GPRC5B: variants seen among roughly 807,000 people sequenced by gnomAD.
The protein encoded by GPRC5B is G protein-coupled receptor class C group 5 member B, also known as G protein-coupled receptor family C group 5 member B.
A neutral mutation model predicts 30.1 loss-of-function variants in GPRC5B; 16 were observed. The ratio of observed to expected loss-of-function variants is 0.53; its 90% confidence interval spans 0.36 to 0.81. The LOEUF (loss-of-function observed/expected upper bound fraction) is 0.81, where lower values mean the gene tolerates loss of function less well. Among genes scored for constraint, GPRC5B ranks in the 30% least tolerant of loss-of-function variants. The probability of loss-of-function intolerance (pLI) is 0.01; values close to 1 mark genes in which losing one functional copy is unlikely to be tolerated. For synonymous variants in GPRC5B, 241 were observed against 239.5 expected (o/e 1.01, Z -0.06); for missense variants, 428 against 544.7 (o/e 0.79, Z 2.13).
Position 19,872,452 on chromosome 16 carries a change from G to C in GPRC5B, c.394C>G (p.Leu132Val). The stretch of plus-strand genomic sequence containing the variant: ...AGGCAGGAGAAGCAGAGCGCAAAGA[G>C]GACGCCCCAGAGGAAGCGGCGGACA... Reference protein sequence around the residue: ...CSVRRFLWGVLFALCFSCLLS... With the variant: ...CSVRRFLWGVVFALCFSCLLS... Residue 132 changes from leucine to valine, a missense_variant, in exon 2 of 4, where the codon CTC (leucine) becomes GTC (valine). By Grantham distance (32) the Leu-to-Val change is conservative. This residue lies in a region of GPRC5B where 196 missense variants were observed against 272.6 expected (regional missense o/e 0.72). Transcript: ENST00000300571. This position sits in a 1 kb window ranked among gnomAD's most constrained non-coding sequence, Gnocchi z 5.0. 1 of 1,614,010 alleles carries C rather than the reference G, an allele frequency of 6.2e-7. No homozygotes were observed. Among genetic ancestry groups the C allele is most frequent in the Non-Finnish European group, 8.5e-7 (1 of 1,179,924 alleles).
chr16:19,885,125 G>T, upstream of GPRC5B: 3 of 1,044,728 alleles, frequency 2.9e-6, no homozygotes, highest in Admixed American at 4.7e-5. This position sits in a 1 kb window ranked among gnomAD's most constrained non-coding sequence, Gnocchi z 5.3. Context: ...CAGTGCGCCC[G>T]TAAGCAGTCC....
At chr16:19,880,240 T>G (rs1177820830) in intron 1 of GPRC5B, among the ~76,000 whole-genome samples, 1 of 151,158 alleles carries the variant, frequency 6.6e-6, no homozygotes, top group Non-Finnish European at 1.5e-5. Context: ...TGAAACTGAT[T>G]TTTCTAGAAG....
At chr16:19,868,252 T>G (rs2056682937) in intron 2 of GPRC5B, among the ~76,000 whole-genome samples, 1 of 151,370 alleles carries the variant, frequency 6.6e-6, no homozygotes, top group Non-Finnish European at 1.5e-5. Flanking sequence ...CACACGGCTA[T>G]AATCCCAGCT....
chr16:19,872,165 C>T lies in GPRC5B; in HGVS notation c.681G>A (p.Lys227=). ...LALFTLCGKF[K]RWKLNGAFLL... The stretch of plus-strand genomic sequence containing the variant: ...GGAAGGCCCCGTTCAGCTTCCACCT[C>T]TTGAACTTGCCGCACAGAGTGAAGA... The change falls in exon 2 of 4, where the codon AAG becomes AAA. Residue 227 remains lysine (K), a synonymous_variant. Transcript: ENST00000300571. The surrounding 1 kb of genome is among the most constrained non-coding windows in gnomAD (Gnocchi z 5.0). 1 of 1,614,192 alleles carries T rather than the reference C, an allele frequency of 6.2e-7. No individual in the cohort carries two copies. Among genetic ancestry groups the T allele is most frequent in the African/African-American group, 1.3e-5 (1 of 75,054 alleles).
chr16:19,873,968 A>T (rs2056742703), intron 1 of GPRC5B, among the ~76,000 whole-genome samples: 2 of 152,032 alleles, frequency 1.3e-5, no homozygotes, highest in Non-Finnish European at 1.5e-5. Flanking sequence ...TTTCTAGTAG[A>T]GACTAGGTTT....
chr16:19,858,578 T>C lies in GPRC5B; in HGVS notation c.*1922A>G. 1.5e-6 allele frequency: 1 copy of C among 668,096 alleles called. No homozygotes were observed. 41.4% of individuals were successfully genotyped at this position (668,096 alleles called of 1,614,324 possible). ...GAGAATGTGTAATGCTGTCGTTTTT[T>C]CACCGGACAGGACCGAGGTGTTTGA... On this transcript the variant is annotated 3_prime_UTR_variant, in exon 4 of 4. Coordinates refer to ENST00000300571, the MANE Select transcript of GPRC5B (RefSeq NM_016235.3).
upstream of GPRC5B, chr16:19,885,582 C>T (rs1597639844): frequency 9.4e-7 from 1 of 1,063,046 alleles, no homozygotes. This position sits in a 1 kb window ranked among gnomAD's most constrained non-coding sequence, Gnocchi z 5.3. Flanking sequence ...GCCACCACCC[C>T]TACCGCACAC....
intron 1 of GPRC5B, chr16:19,874,748 G>A (rs1404061967): frequency 6.6e-6 from 1 of 152,316 alleles, no homozygotes; most frequent in Non-Finnish European, 1.5e-5. Flanking sequence ...GAGAACCATG[G>A]CTGTAGACTC....
intron 1 of GPRC5B, among the ~76,000 whole-genome samples, chr16:19,875,646 C>A (rs2056754704): frequency 6.6e-6 from 1 of 151,884 alleles, no homozygotes; most frequent in South Asian, 2.1e-4. Context: ...GGGCGTGGTG[C>A]CACGTGCCTA....
rs1269989219 is a variant in GPRC5B at position 19,859,775 on chromosome 16, G to C, written c.*725C>G. 6.6e-6 allele frequency: 1 copy of C among 152,612 alleles called. No homozygotes were observed. Among genetic ancestry groups the C allele is most frequent in the African/African-American group, 2.4e-5 (1 of 41,386 alleles). The allele number at this position is 152,612 out of a possible 1,614,324, so 9.5% of individuals were successfully genotyped here. On this transcript the variant is annotated 3_prime_UTR_variant, in exon 4 of 4. Transcript: ENST00000300571. The stretch of plus-strand genomic sequence containing the variant: ...CTCTACAAGGGAAGGGGCGGGGCCT[G>C]TGTTCTCACCATAGACACTAGAGCA...
At position 19,859,425 on chromosome 16, in the gene GPRC5B, T is replaced by C. The variant is rs1046412144; in HGVS notation, c.*1075A>G. 2 of 152,186 alleles carry C rather than the reference T, an allele frequency of 1.3e-5. No homozygotes were observed. The highest frequency in any genetic ancestry group is 1.3e-4 in the Admixed American group (2 of 15,260). 9.4% of individuals were successfully genotyped at this position (152,186 alleles called of 1,614,324 possible). On this transcript the variant is annotated 3_prime_UTR_variant, in exon 4 of 4. Coordinates refer to ENST00000300571, the MANE Select transcript of GPRC5B (RefSeq NM_016235.3). The stretch of plus-strand genomic sequence containing the variant: ...AAAGCAACAAGAAACCCTCATGTGA[T>C]CCATTCCATCCAGGAATTTTCACCA...
At chr16:19,865,230 C>A (rs1395470609) in intron 2 of GPRC5B, among the ~76,000 whole-genome samples, 4 of 152,010 alleles carry the variant, frequency 2.6e-5, no homozygotes, top group Admixed American at 1.3e-4. Flanking sequence ...TTGGTGGACA[C>A]ACATTTGGGA....
chr16:19,864,911 ATTTT>A (rs1163249399), intron 2 of GPRC5B, among the ~76,000 whole-genome samples: 8 of 126,056 alleles, frequency 6.3e-5, no homozygotes, highest in African/African-American at 1.8e-4. Context: ...GCCCGGTCTC[ATTTT>A]TTTTTTTTTT....
Position 19,858,570 on chromosome 16 carries a change from T to C in GPRC5B, c.*1930A>G, listed in dbSNP as rs2056593266. On this transcript the variant is annotated 3_prime_UTR_variant, in exon 4 of 4. Coordinates refer to ENST00000300571, the MANE Select transcript of GPRC5B (RefSeq NM_016235.3). ...CCTGGCACGAGAATGTGTAATGCTG[T>C]CGTTTTTTCACCGGACAGGACCGAG... The C allele has an allele frequency of 3.0e-6, 2 of 675,510 alleles. No individual in the cohort carries two copies. The highest frequency in any genetic ancestry group is 2.2e-5 in the Admixed American group (1 of 45,610). The allele number at this position is 675,510 out of a possible 1,614,324, so 41.8% of individuals were successfully genotyped here. A position where few individuals can be genotyped will look rare whatever the true frequency, so the allele number is the denominator to read the frequency against.
rs957964046 is a variant in GPRC5B, at chr16:19,883,498, C to A, written c.-2+1229G>T. On this transcript the variant is annotated intron_variant, in intron 1 of 3. Transcript: ENST00000300571. ...ATCCTCCGCAAGCCCGAGTCCCCAC[C>A]GAAGAAACTTCTGAATTAAGAAGGT... Among the ~76,000 whole-genome samples the A allele has an allele frequency of 2.6e-5, 4 of 152,268 alleles. No homozygotes were observed. The South Asian group carries it at 8.3e-4, about 31-fold the overall frequency.
chr16:19,858,825 T>G lies in GPRC5B; in HGVS notation c.*1675A>C. On this transcript the variant is annotated 3_prime_UTR_variant, in exon 4 of 4. Transcript: ENST00000300571. ...TGGCATTCTGGGGCCATGCGTTTTCTTCCCCATGCGTGGTAACACAAGGAA... is the reference window on the plus strand; with the variant it reads ...TGGCATTCTGGGGCCATGCGTTTTCGTCCCCATGCGTGGTAACACAAGGAA... The G allele has an allele frequency of 2.9e-6, 1 of 345,032 alleles. No homozygotes were observed. The allele number at this position is 345,032 out of a possible 1,614,324, so 21.4% of individuals were successfully genotyped here.
chr16:19,873,204 C>T (rs1214999435), intron 1 of GPRC5B, among the ~76,000 whole-genome samples: 1 of 152,148 alleles, frequency 6.6e-6, no homozygotes, highest in Admixed American at 6.5e-5. Flanking sequence ...GTGGCTCATG[C>T]TTGTAATCCC....
intron 1 of GPRC5B, among the ~76,000 whole-genome samples, chr16:19,883,699 A>G (rs1315228718): frequency 6.6e-6 from 1 of 152,098 alleles, no homozygotes; most frequent in East Asian, 1.9e-4. Context: ...TGCCCGCCAC[A>G]CTCCAGGGGC....
intron 1 of GPRC5B, among the ~76,000 whole-genome samples, chr16:19,882,971 T>C (rs1262006596): frequency 1.3e-5 from 2 of 152,078 alleles, no homozygotes; most frequent in Non-Finnish European, 2.9e-5. Flanking sequence ...TGGGCTCCAC[T>C]CAAATGTCAC....
Sources: allele counts gnomAD v4.1 joint callset (sites outside exome capture counted in the v4.1 genomes callset), GRCh38; gene constraint gnomAD v4.1.1; regional missense constraint gnomAD v4.1.1; non-coding constraint Gnocchi (gnomAD v3.1); transcripts MANE v1.5; gene names NCBI Gene and HGNC (gene_info 2026-07-23, HGNC 2026-07-21).